The following CDK3 variants were observed in gnomAD, a reference collection of about 807,000 sequenced individuals.
CDK3 encodes cyclin dependent kinase 3, also known as cyclin-dependent kinase 3.
In CDK3, 24 loss-of-function variants were observed where a neutral mutation model predicts 30.2. The ratio of observed to expected loss-of-function variants is 0.79; its 90% CI spans 0.57 to 1.12. The LOEUF (loss-of-function observed/expected upper bound fraction) is 1.12. Ranked by LOEUF, CDK3 falls within the 50% of genes most tolerant of loss-of-function variation. The pLI is 0.00. For missense variants in CDK3, 345 were observed against 376.0 expected (o/e 0.92, Z 0.68); for synonymous variants, 158 against 154.2 (o/e 1.02, Z -0.18).
At position 76,003,323 on chromosome 17, in the gene CDK3, C is replaced by T; in HGVS notation, c.717C>T (p.Ser239=). Residue 239 remains serine, a synonymous_variant, in exon 7 of 8, where the codon AGC becomes AGT. Coordinates refer to ENST00000448471, the MANE Select transcript of CDK3 (RefSeq NM_001258.4). ...GVTQLPDYKG[S]FPKWTRKGLE... is the part of the protein sequence containing the mutation. ...CCCAGCTGCCTGACTATAAGGGCAG[C>T]TTCCCTAAGTGGACCAGGAAGGGAC... 6.2e-7 allele frequency: 1 copy of T among 1,614,212 alleles called. No individual in the cohort carries two copies. Among genetic ancestry groups the T allele is most frequent in the South Asian group, 1.1e-5 (1 of 91,082 alleles).
Position 76,003,239 on chromosome 17 carries a change from GCT to G in CDK3, c.636_637del (p.Phe213SerfsTer22), listed in dbSNP as rs922863037. 3 of 1,614,186 alleles carry G rather than the reference GCT, an allele frequency of 1.9e-6. No homozygotes were observed. The highest frequency in any genetic ancestry group is 1.7e-6 in the Non-Finnish European group (2 of 1,180,042). On this transcript the variant is annotated frameshift_variant, in exon 7 of 8. Coordinates refer to ENST00000448471, the MANE Select transcript of CDK3 (RefSeq NM_001258.4). LOFTEE classifies it high-confidence loss of function. ...TTCCTGGTGACTCTGAGATTGACCA[GCT>G]CTTTCGTATCTTTCGTATGCTGGGG... ...LFPGDSEIDQ[L>X]FRIFRMLGTP...
chr17:76,003,397 T>C lies in CDK3; in HGVS notation c.791T>C (p.Met264Thr), dbSNP rs17884251. Residue 264 changes from methionine to threonine, a missense_variant and splice_region_variant, in exon 7 of 8, where the codon ATG (methionine) becomes ACG (threonine). Transcript: ENST00000448471. ...GAGCCAGAGGGCAGGGACCTGCTCA[T>C]GGTAGGTGCATGTGGGCTCCAGCTG... ...NLEPEGRDLL[M>T]QLLQYDPSQR... 5.5e-3 allele frequency: 8,825 copies of C among 1,611,936 alleles called. 33 individuals carry two copies. The highest frequency in any genetic ancestry group is 6.6e-3 in the Non-Finnish European group (7,807 of 1,178,996).
In CDK3 at chr17:76,003,383, C is replaced by T. The variant is rs768777989; in HGVS notation, c.777C>T (p.Gly259=). 5.0e-6 allele frequency: 8 copies of T among 1,613,362 alleles called. No homozygotes were observed. The highest frequency in any genetic ancestry group is 6.8e-6 in the Non-Finnish European group (8 of 1,179,934). The change falls in exon 7 of 8, where the codon GGC becomes GGT. Residue 259 remains glycine, a synonymous_variant. Coordinates refer to ENST00000448471, the MANE Select transcript of CDK3 (RefSeq NM_001258.4). ...EEIVPNLEPE[G]RDLLMQLLQY... is the part of the protein sequence containing the mutation. ...TTGTGCCCAATCTGGAGCCAGAGGG[C>T]AGGGACCTGCTCATGGTAGGTGCAT...
At position 76,003,282 on chromosome 17, in the gene CDK3, A is replaced by C. The variant is rs765846044; in HGVS notation, c.676A>C (p.Thr226Pro). The C allele has an allele frequency of 6.6e-5, 107 of 1,614,014 alleles. No individual in the cohort carries two copies. Among genetic ancestry groups the C allele is most frequent in the Non-Finnish European group, 1.7e-6 (2 of 1,179,996 alleles). ...FRMLGTPSED[T>P]WPGVTQLPDY... The stretch of plus-strand genomic sequence containing the variant: ...TATGCTGGGGACACCCAGCGAAGAC[A>C]CATGGCCCGGGGTCACCCAGCTGCC... The change falls in exon 7 of 8, where the codon ACA becomes CCA. Residue 226 changes from threonine (T) to proline (P), a missense_variant. Transcript: ENST00000448471.
Position 76,005,821 on chromosome 17 carries a change from A to C in CDK3, c.*398A>C, listed in dbSNP as rs1283809004. 5.8e-6 allele frequency: 1 copy of C among 173,740 alleles called. No individual in the cohort carries two copies. Among genetic ancestry groups the C allele is most frequent in the African/African-American group, 2.4e-5 (1 of 42,122 alleles). The allele number at this position is 173,740 out of a possible 1,614,324, so 10.8% of individuals were successfully genotyped here. A position where few individuals can be genotyped will look rare whatever the true frequency, so the allele number is the denominator to read the frequency against. On this transcript the variant is annotated 3_prime_UTR_variant, in exon 8 of 8. Transcript: ENST00000448471. The surrounding 1 kb of genome is among the most constrained non-coding windows in gnomAD (Gnocchi z 4.7). ...TTTAAAATGTTTGGGGGAAGAGTTG[A>C]GTTCCAGTTCAGTCCCAAGTTAAAC...
rs1432879705 is a variant in CDK3, at chr17:76,002,085, C to A, written c.258C>A (p.Asp86Glu). Residue 86 changes from aspartate (D) to glutamate (E), a missense_variant, in exon 4 of 8, where the codon GAC becomes GAA. Coordinates refer to ENST00000448471, the MANE Select transcript of CDK3 (RefSeq NM_001258.4). The surrounding 1 kb of genome is among the most constrained non-coding windows in gnomAD (Gnocchi z 4.3). ...LYLVFEFLSQ[D>E]LKKYMDSTPG... ...TGGTGTTTGAGTTCCTCAGCCAGGACCTGAAGAAGTACATGGACTCCACCC... is the reference window on the plus strand; with the variant it reads ...TGGTGTTTGAGTTCCTCAGCCAGGAACTGAAGAAGTACATGGACTCCACCC... 1 of 1,613,912 alleles carries A rather than the reference C, an allele frequency of 6.2e-7. No individual in the cohort carries two copies. The highest frequency in any genetic ancestry group is 1.3e-5 in the African/African-American group (1 of 74,950).
In CDK3 at chr17:76,005,453, T is replaced by C; in HGVS notation, c.*30T>C. 1 of 1,597,486 alleles carries C rather than the reference T, an allele frequency of 6.3e-7. No homozygotes were observed. Among genetic ancestry groups the C allele is most frequent in the Non-Finnish European group, 8.6e-7 (1 of 1,168,194 alleles). On this transcript the variant is annotated 3_prime_UTR_variant, in exon 8 of 8. Coordinates refer to ENST00000448471, the MANE Select transcript of CDK3 (RefSeq NM_001258.4). The surrounding 1 kb of genome is among the most constrained non-coding windows in gnomAD (Gnocchi z 4.7). The stretch of plus-strand genomic sequence containing the variant: ...GTCAAGGCCACACTCAGATCCTTTC[T>C]CGAGCAGCTGCTGCCCCAGCTGCCT...
chr17:76,005,945 T>G lies in CDK3; in HGVS notation c.*522T>G, dbSNP rs1051997790. 1.3e-5 allele frequency: 2 copies of G among 153,678 alleles called. No individual in the cohort carries two copies. The highest frequency in any genetic ancestry group is 2.9e-5 in the Non-Finnish European group (2 of 69,042). The allele number at this position is 153,678 out of a possible 1,614,324, so 9.5% of individuals were successfully genotyped here. A position where few individuals can be genotyped will look rare whatever the true frequency, so the allele number is the denominator to read the frequency against. On this transcript the variant is annotated 3_prime_UTR_variant, in exon 8 of 8. Coordinates refer to ENST00000448471, the MANE Select transcript of CDK3 (RefSeq NM_001258.4). The surrounding 1 kb of genome is among the most constrained non-coding windows in gnomAD (Gnocchi z 4.7). The stretch of plus-strand genomic sequence containing the variant: ...GTTGTTCCTTCACCTGAGATGTGCT[T>G]CTTTTGGTTCATTTCTGGCTTGACA...
At position 76,001,833 on chromosome 17, in the gene CDK3, G is replaced by GC. The variant is rs1389378041; in HGVS notation, c.117-38dup. 2 of 1,588,790 alleles carry GC rather than the reference G, an allele frequency of 1.3e-6. No individual in the cohort carries two copies. On this transcript the variant is annotated intron_variant, in intron 2 of 7. Coordinates refer to ENST00000448471, the MANE Select transcript of CDK3 (RefSeq NM_001258.4). The surrounding 1 kb of genome is among the most constrained non-coding windows in gnomAD (Gnocchi z 6.2). ...CCCCTGGCTGGAAGTGCCCTTCTTG[G>GC]CCCAAGTCTCTGCCCACGGCTGTGC... is the stretch of plus-strand genomic sequence containing the variant.
At chr17:76,004,152 C>T (rs1348809048) in intron 7 of CDK3, among the ~76,000 whole-genome samples, 1 of 151,140 alleles carries the variant, frequency 6.6e-6, no homozygotes, top group African/African-American at 2.4e-5. Flanking sequence ...TTCTCACTCA[C>T]CCCTCCTGTT....
rs765129409 is a variant in CDK3, at chr17:76,002,655, G to C, written c.588+43G>C. The C allele has an allele frequency of 2.6e-6, 2 of 782,324 alleles. No individual in the cohort carries two copies. The highest frequency in any genetic ancestry group is 4.7e-6 in the Non-Finnish European group (2 of 421,120). The allele number at this position is 782,324 out of a possible 1,614,324, so 48.5% of individuals were successfully genotyped here. Reference sequence around the variant, plus strand: ...CATGGCCACAGGGTGCCACAGGCAGGGTCCTACTGGGGTTGGGTGGGGTCC... The same window carrying C: ...CATGGCCACAGGGTGCCACAGGCAGCGTCCTACTGGGGTTGGGTGGGGTCC... On this transcript the variant is annotated intron_variant, in intron 6 of 7. Coordinates refer to ENST00000448471, the MANE Select transcript of CDK3 (RefSeq NM_001258.4). This position sits in a 1 kb window ranked among gnomAD's most constrained non-coding sequence, Gnocchi z 4.3.
Position 76,001,534 on chromosome 17 carries a change from C to T in CDK3, c.109C>T (p.Leu37=), listed in dbSNP as rs1386313540. Residue 37 remains leucine (L), a synonymous_variant, in exon 2 of 8, where the codon CTG becomes TTG. Coordinates refer to ENST00000448471, the MANE Select transcript of CDK3 (RefSeq NM_001258.4). The surrounding 1 kb of genome is among the most constrained non-coding windows in gnomAD (Gnocchi z 6.2). ...GCTGGTGGCCCTGAAGAAGATCAGA[C>T]TGGATTTGTGAGTGCTGGGACGGCC... ...GQLVALKKIR[L]DLEMEGVPST... 1.2e-6 allele frequency: 2 copies of T among 1,613,762 alleles called. No individual in the cohort carries two copies. The highest frequency in any genetic ancestry group is 1.7e-6 in the Non-Finnish European group (2 of 1,179,738).
Position 76,001,738 on chromosome 17 carries a change from A to T in CDK3, c.117-136A>T. Reference sequence around the variant, plus strand: ...CCCTGACTGTGGAGTTTGGTGGATGACGTGCCAAGGAGCACAGGTCTCCAT... The same window carrying T: ...CCCTGACTGTGGAGTTTGGTGGATGTCGTGCCAAGGAGCACAGGTCTCCAT... On this transcript the variant is annotated intron_variant, in intron 2 of 7. Transcript: ENST00000448471. This position sits in a 1 kb window ranked among gnomAD's most constrained non-coding sequence, Gnocchi z 6.2. 1 of 955,396 alleles carries T rather than the reference A, an allele frequency of 1.0e-6. No individual in the cohort carries two copies. The highest frequency in any genetic ancestry group is 1.5e-6 in the Non-Finnish European group (1 of 646,744). The allele number at this position is 955,396 out of a possible 1,614,324, so 59.2% of individuals were successfully genotyped here.
At chr17:76,004,240 A>C (rs1425394136) in intron 7 of CDK3, among the ~76,000 whole-genome samples, 1 of 9,030 alleles carries the variant, frequency 1.1e-4, no homozygotes, top group African/African-American at 2.1e-3. Context: ...TTTTTTTGAG[A>C]CAGGGTCTCA....
chr17:76,005,116 C>G lies in CDK3; in HGVS notation c.793-182C>G, dbSNP rs1277188441. On this transcript the variant is annotated intron_variant, in intron 7 of 7. Coordinates refer to ENST00000448471, the MANE Select transcript of CDK3 (RefSeq NM_001258.4). This position sits in a 1 kb window ranked among gnomAD's most constrained non-coding sequence, Gnocchi z 4.7. ...AGGAGACCTGGGTGACTCGTTAGGA[C>G]TGTCCAGATTCCAGGAGTGTCCGGA... Among the ~76,000 whole-genome samples, 1 of 152,180 alleles carries G rather than the reference C, an allele frequency of 6.6e-6. No homozygotes were observed. The highest frequency in any genetic ancestry group is 2.4e-5 in the African/African-American group (1 of 41,434).
chr17:76,001,735 A>G lies in CDK3; in HGVS notation c.117-139A>G. 1 of 951,308 alleles carries G rather than the reference A, an allele frequency of 1.1e-6. No individual in the cohort carries two copies. 58.9% of individuals were successfully genotyped at this position (951,308 alleles called of 1,614,324 possible). ...GGGCCCTGACTGTGGAGTTTGGTGG[A>G]TGACGTGCCAAGGAGCACAGGTCTC... On this transcript the variant is annotated intron_variant, in intron 2 of 7. Transcript: ENST00000448471. The surrounding 1 kb of genome is among the most constrained non-coding windows in gnomAD (Gnocchi z 6.2).
At position 76,002,763 on chromosome 17, in the gene CDK3, C is replaced by T. The variant is rs1374880746; in HGVS notation, c.588+151C>T. On this transcript the variant is annotated intron_variant, in intron 6 of 7. Coordinates refer to ENST00000448471, the MANE Select transcript of CDK3 (RefSeq NM_001258.4). The surrounding 1 kb of genome is among the most constrained non-coding windows in gnomAD (Gnocchi z 4.3). ...CCCGTAATCCCAGCACTTTGGGAGG[C>T]TGAGATGGGAGGATGGCTTGAGCCC... 1.6e-5 allele frequency: 10 copies of T among 606,606 alleles called. No individual in the cohort carries two copies. The highest frequency in any genetic ancestry group is 3.0e-5 in the Non-Finnish European group (10 of 337,564). The allele number at this position is 606,606 out of a possible 1,614,324, so 37.6% of individuals were successfully genotyped here. A position where few individuals can be genotyped will look rare whatever the true frequency, so the allele number is the denominator to read the frequency against.
At chr17:76,003,899 C>T (rs1293922839) in intron 7 of CDK3, among the ~76,000 whole-genome samples, 3 of 151,898 alleles carry the variant, frequency 2.0e-5, no homozygotes, top group Admixed American at 6.6e-5. Context: ...CCTGCCACCA[C>T]GCCCAGCTAA....
Position 76,002,170 on chromosome 17 carries a change from GGT to G in CDK3, c.315+30_315+31del, listed in dbSNP as rs2066265934. On this transcript the variant is annotated intron_variant, in intron 4 of 7. Transcript: ENST00000448471. This position sits in a 1 kb window ranked among gnomAD's most constrained non-coding sequence, Gnocchi z 4.3. ...AGGGAAGGAAGGGCAGGGAAGGAGA[GGT>G]GACACCCCATCCCTGCCATCCCTGT... 5 of 1,613,222 alleles carry G rather than the reference GGT, an allele frequency of 3.1e-6. No individual in the cohort carries two copies. The highest frequency in any genetic ancestry group is 4.2e-6 in the Non-Finnish European group (5 of 1,179,578).
Sources: gnomAD v4.1 joint callset for allele counts (sites outside exome capture counted in the v4.1 genomes callset) on GRCh38, gnomAD v4.1.1 for gene constraint, Gnocchi (gnomAD v3.1) non-coding constraint, MANE v1.5 for transcripts, NCBI Gene and HGNC (gene_info 2026-07-23, HGNC 2026-07-21) for gene names.